DHDDS: variants seen among roughly 807,000 people sequenced by gnomAD.
The protein encoded by DHDDS is dehydrodolichyl diphosphate synthase complex subunit DHDDS.
Under a neutral mutation model 46.2 loss-of-function variants are expected in DHDDS, and 16 were observed. That is an observed-to-expected ratio of 0.35 (90% CI 0.23 to 0.53). DHDDS has a LOEUF of 0.53. Ranked by LOEUF, DHDDS falls within the 20% of genes least tolerant of loss-of-function variation. The probability of loss-of-function intolerance (pLI) is 0.94; values close to 1 mark genes in which losing one functional copy is unlikely to be tolerated. For synonymous variants in DHDDS, 151 were observed against 163.1 expected (o/e 0.93, Z 0.56); for missense variants, 340 against 423.7 (o/e 0.80, Z 1.73).
At chr1:26,437,549 C>T (rs2075172524) in intron 2 of DHDDS, among the ~76,000 whole-genome samples, 1 of 151,772 alleles carries the variant, frequency 6.6e-6, no homozygotes, top group Admixed American at 6.6e-5. Flanking sequence ...CAACTGACTG[C>T]AACCTCCACC....
At chr1:26,452,619 G>GT (rs1003356820) in intron 6 of DHDDS, among the ~76,000 whole-genome samples, 45 of 152,136 alleles carry the variant, frequency 3.0e-4, no homozygotes, top group Non-Finnish European at 1.9e-4. Context: ...GGTAGATACT[G>GT]TTTTTATGCC....
At chr1:26,467,309 T>C (rs2075500985) in intron 8 of DHDDS, 1 of 471,446 alleles carries the variant, frequency 2.1e-6, no homozygotes, top group South Asian at 1.5e-5. Context: ...GGGAGCCTCC[T>C]GACCAAGGCC....
intron 6 of DHDDS, among the ~76,000 whole-genome samples, chr1:26,451,349 T>A (rs1203754645): frequency 6.6e-6 from 1 of 152,146 alleles, no homozygotes; most frequent in Non-Finnish European, 1.5e-5. Flanking sequence ...TTTCCTGATT[T>A]CTCACTATCA....
At chr1:26,464,658 T>C (rs1249907762) in intron 8 of DHDDS, among the ~76,000 whole-genome samples, 1 of 152,226 alleles carries the variant, frequency 6.6e-6, no homozygotes, top group East Asian at 1.9e-4. Flanking sequence ...GCTTTTCTCA[T>C]GTCTCCCTTT....
intron 8 of DHDDS, 84 bp from the exon 9 acceptor site, chr1:26,468,811 G>GGCCCA: frequency 1.6e-6 from 1 of 637,986 alleles, no homozygotes; most frequent in Non-Finnish European, 2.6e-6. Flanking sequence ...CCCACCCTGT[G>GGCCCA]CCCCACCCCC....
chr1:26,454,594 T>G, intron 6 of DHDDS: 1 of 873,170 alleles, frequency 1.1e-6, no homozygotes, highest in Non-Finnish European at 1.8e-6. Flanking sequence ...GGCCCTGTTT[T>G]TTTTTTTCCC....
chr1:26,439,175 C>T (rs374647885), intron 3 of DHDDS, among the ~76,000 whole-genome samples: 3 of 152,118 alleles, frequency 2.0e-5, no homozygotes, highest in African/African-American at 7.2e-5. Flanking sequence ...AGGTGATCCA[C>T]CCCCTTCAGC....
intron 4 of DHDDS, chr1:26,443,193 C>T (rs2075235813): frequency 3.0e-6 from 1 of 332,296 alleles, no homozygotes; most frequent in Non-Finnish European, 5.7e-6. Context: ...TTTATTTCCA[C>T]CTCTCTCTGC....
At chr1:26,449,439 C>A (rs771142586) in intron 6 of DHDDS, among the ~76,000 whole-genome samples, 1 of 151,936 alleles carries the variant, frequency 6.6e-6, no homozygotes, top group Non-Finnish European at 1.5e-5. Flanking sequence ...CTCACTCTAT[C>A]GCCCAGGCTG....
chr1:26,437,148 C>T (rs751556017), intron 2 of DHDDS, among the ~76,000 whole-genome samples: 50 of 151,722 alleles, frequency 3.3e-4, no homozygotes, highest in African/African-American at 5.1e-4. Context: ...CCAGCCTGGG[C>T]GACAGAGCGA....
chr1:26,460,106 G>A lies in DHDDS; in HGVS notation c.727G>A (p.Ala243Thr). Residue 243 changes from alanine to threonine, a missense_variant, in exon 8 of 9, where the codon GCC (alanine) becomes ACC (threonine). Ala to Thr is a moderately conservative substitution (Grantham distance 58, BLOSUM62 0). Around this residue, in one of 2 missense-constraint regions of DHDDS, gnomAD observed 268 missense variants for 300.3 expected, o/e 0.89. Coordinates refer to ENST00000236342, the MANE Select transcript of DHDDS (RefSeq NM_205861.3). ...PEYTFWNLFE[A>T]ILQFQMNHSV... is the part of the protein sequence containing the mutation. ...GTATACATTTTGGAACCTCTTCGAG[G>A]CCATCCTGCAGTTCCAGATGAACCA... 6.2e-7 allele frequency: 1 copy of A among 1,614,168 alleles called. No homozygotes were observed. Among genetic ancestry groups the A allele is most frequent in the Non-Finnish European group, 8.5e-7 (1 of 1,180,024 alleles).
At chr1:26,446,910 G>A (rs930870003) in intron 5 of DHDDS, among the ~76,000 whole-genome samples, 4 of 152,150 alleles carry the variant, frequency 2.6e-5, no homozygotes, top group African/African-American at 4.8e-5. Context: ...GAAATATAAC[G>A]TGTATTTTGG....
chr1:26,440,236 AT>A (rs1433580405), intron 3 of DHDDS, among the ~76,000 whole-genome samples: 1 of 152,166 alleles, frequency 6.6e-6, no homozygotes, highest in African/African-American at 2.4e-5. Flanking sequence ...GGGCCGTGAT[AT>A]TTTTTTCCTT....
At chr1:26,451,405 TGTGTGTGTGTGTG>T (rs1210589158) in intron 6 of DHDDS, among the ~76,000 whole-genome samples, 1 of 2,568 alleles carries the variant, frequency 3.9e-4, no homozygotes, top group Admixed American at 6.8e-3. Context: ...TGTATGTAGA[TGTGTGTGTGTGTG>T]TGTGTGTGTG....
intron 5 of DHDDS, among the ~76,000 whole-genome samples, chr1:26,447,281 T>C (rs1288195674): frequency 6.6e-6 from 1 of 152,064 alleles, no homozygotes; most frequent in Non-Finnish European, 1.5e-5. Flanking sequence ...GATCACGCCA[T>C]TGCACTTCAG....
At chr1:26,454,508 T>C (rs1394708693) in intron 6 of DHDDS, 1 of 542,076 alleles carries the variant, frequency 1.8e-6, no homozygotes, top group African/African-American at 1.9e-5. Context: ...ACTTTATAGT[T>C]CCCAAAGTGC....
intron 8 of DHDDS, among the ~76,000 whole-genome samples, chr1:26,463,815 T>G (rs2075451221): frequency 6.6e-6 from 1 of 151,650 alleles, no homozygotes; most frequent in African/African-American, 2.4e-5. Flanking sequence ...CTGAAACTCT[T>G]GTTTCTTGTA....
In DHDDS at chr1:26,469,065, C is replaced by T; in HGVS notation, c.936C>T (p.Gly312=). The part of the protein sequence containing the change: ...LSARREERVQ[G]FLQALELKRA... Reference sequence around the variant, plus strand: ...CCAGACGGGAAGAGCGAGTCCAAGGCTTCCTGCAGGCCTTGGAACTCAAGC... The same window carrying T: ...CCAGACGGGAAGAGCGAGTCCAAGGTTTCCTGCAGGCCTTGGAACTCAAGC... Residue 312 remains glycine (G), a synonymous_variant, in exon 9 of 9, where the codon GGC becomes GGT. Transcript: ENST00000236342. The T allele has an allele frequency of 6.2e-7, 1 of 1,613,720 alleles. No individual in the cohort carries two copies. The highest frequency in any genetic ancestry group is 8.5e-7 in the Non-Finnish European group (1 of 1,180,028).
intron 6 of DHDDS, among the ~76,000 whole-genome samples, chr1:26,454,081 G>A (rs556248272): frequency 1.3e-5 from 2 of 152,088 alleles, no homozygotes; most frequent in Non-Finnish European, 2.9e-5. Flanking sequence ...AGCCTCCCGA[G>A]TAGCTGGGAC....
Sources: allele counts gnomAD v4.1 joint callset (sites outside exome capture counted in the v4.1 genomes callset), GRCh38; gene constraint gnomAD v4.1.1; regional missense constraint gnomAD v4.1.1; transcripts MANE v1.5; gene names NCBI Gene and HGNC (gene_info 2026-07-23, HGNC 2026-07-21).